Variants in HPSE2 observed in about 807,000 individuals in gnomAD.
HPSE2 encodes inactive heparanase-2.
In HPSE2, 38 loss-of-function variants were observed where a neutral mutation model predicts 60.5. The observed-to-expected ratio is 0.63, with a 90% CI of 0.48 to 0.82. The LOEUF (loss-of-function observed/expected upper bound fraction) is 0.82. HPSE2 is among the 40% of genes least tolerant of loss of function. The pLI is 0.00. For synonymous variants in HPSE2, 295 were observed against 293.2 expected (o/e 1.01, Z -0.06); for missense variants, 713 against 740.4 (o/e 0.96, Z 0.43).
chr10:98,748,851 C>T (rs1949688272), intron 3 of HPSE2, among the ~76,000 whole-genome samples: 1 of 151,116 alleles, frequency 6.6e-6, no homozygotes, highest in East Asian at 1.9e-4. Flanking sequence ...AGTAGGTGTT[C>T]ATGACAAACT....
intron 3 of HPSE2, among the ~76,000 whole-genome samples, chr10:99,030,647 C>T (rs903949110): frequency 1.3e-5 from 2 of 152,122 alleles, no homozygotes; most frequent in Admixed American, 6.6e-5. Flanking sequence ...TGGCTATATA[C>T]CCCAAAGAAA....
At chr10:99,041,652 C>A (rs2135476377) in intron 3 of HPSE2, among the ~76,000 whole-genome samples, 1 of 152,288 alleles carries the variant, frequency 6.6e-6, no homozygotes, top group Non-Finnish European at 1.5e-5. Context: ...AGGGTAGGGG[C>A]CGCATCCATA....
chr10:98,734,201 C>T lies in HPSE2; in HGVS notation c.784+9682G>A, dbSNP rs111803309. Among the ~76,000 whole-genome samples, 206 of 152,260 alleles carry T rather than the reference C, an allele frequency of 1.4e-3. 1 individual carries two copies. The highest frequency in any genetic ancestry group is 2.6e-3 in the Non-Finnish European group (175 of 68,010). Reference sequence around the variant, plus strand: ...TGTATCAGTACTTCATTTTGCAGCACATAGTATTTCTTTGTATGTATTTGT... The same window carrying T: ...TGTATCAGTACTTCATTTTGCAGCATATAGTATTTCTTTGTATGTATTTGT... On this transcript the variant is annotated intron_variant, in intron 4 of 11. Coordinates refer to ENST00000370552, the MANE Select transcript of HPSE2 (RefSeq NM_021828.5).
At chr10:98,937,331 G>A (rs1007887530) in intron 3 of HPSE2, among the ~76,000 whole-genome samples, 6 of 144,558 alleles carry the variant, frequency 4.2e-5, no homozygotes. Flanking sequence ...CCCTTTCCTA[G>A]TCAAAGAAAG....
At chr10:99,159,745 G>A (rs1405781379) in intron 2 of HPSE2, among the ~76,000 whole-genome samples, 1 of 152,014 alleles carries the variant, frequency 6.6e-6, no homozygotes, top group East Asian at 1.9e-4. Flanking sequence ...GTATCCTTAG[G>A]TTAAGTACAG....
intron 3 of HPSE2, among the ~76,000 whole-genome samples, chr10:98,797,558 G>A (rs1950804624): frequency 6.6e-6 from 1 of 151,988 alleles, no homozygotes; most frequent in Admixed American, 6.6e-5. Flanking sequence ...AAGAGATGAG[G>A]GTAAGCCGGG....
At chr10:98,887,085 A>G (rs1309428985) in intron 3 of HPSE2, among the ~76,000 whole-genome samples, 1 of 152,164 alleles carries the variant, frequency 6.6e-6, no homozygotes, top group East Asian at 1.9e-4. Context: ...AATGATTAAT[A>G]TACCAAACAA....
At chr10:98,943,209 T>C (rs994836525) in intron 3 of HPSE2, among the ~76,000 whole-genome samples, 1 of 151,474 alleles carries the variant, frequency 6.6e-6, no homozygotes, top group Admixed American at 6.6e-5. Context: ...TGTGCACATA[T>C]ACCCTAAAAC....
In HPSE2 at chr10:98,927,055, G is replaced by A. The variant is rs192376312; in HGVS notation, c.611-182999C>T. 4.9e-4 allele frequency among the ~76,000 whole-genome samples: 75 copies of A among 152,162 alleles called. 1 individual carries two copies. Among genetic ancestry groups the A allele is most frequent in the African/African-American group, 1.7e-3 (71 of 41,496 alleles). ...GTATGTGGCCAATTTTGGAATAGGCGTGGTGCTGAAAAAAATGTATATTCT... is the reference window on the plus strand; with the variant it reads ...GTATGTGGCCAATTTTGGAATAGGCATGGTGCTGAAAAAAATGTATATTCT... On this transcript the variant is annotated intron_variant, in intron 3 of 11. Coordinates refer to ENST00000370552, the MANE Select transcript of HPSE2 (RefSeq NM_021828.5).
intron 9 of HPSE2, among the ~76,000 whole-genome samples, chr10:98,556,143 G>A (rs1944001611): frequency 6.6e-6 from 1 of 152,140 alleles, no homozygotes; most frequent in Admixed American, 6.6e-5. Flanking sequence ...ATAAAGAAAG[G>A]GGTGAGCTTA....
At chr10:98,603,485 A>T (rs1288769445) in intron 9 of HPSE2, among the ~76,000 whole-genome samples, 1 of 149,578 alleles carries the variant, frequency 6.7e-6, no homozygotes, top group East Asian at 2.0e-4. Context: ...GCTGGAGTAC[A>T]GTGGCTTGAT....
chr10:98,662,819 C>G (rs550416843), intron 6 of HPSE2, among the ~76,000 whole-genome samples: 1 of 152,188 alleles, frequency 6.6e-6, no homozygotes, highest in South Asian at 2.1e-4. Flanking sequence ...TTTGGATAAT[C>G]AGCATCTAAT....
At chr10:98,566,471 C>T (rs1944348478) in intron 9 of HPSE2, among the ~76,000 whole-genome samples, 1 of 152,216 alleles carries the variant, frequency 6.6e-6, no homozygotes, top group Non-Finnish European at 1.5e-5. Flanking sequence ...TTCTAGTGGC[C>T]TTCAAGCTAC....
At chr10:98,487,815 G>A (rs996855551) in intron 10 of HPSE2, among the ~76,000 whole-genome samples, 4 of 152,262 alleles carry the variant, frequency 2.6e-5, no homozygotes, top group Non-Finnish European at 4.4e-5. Context: ...TGACTCAGCA[G>A]TGCTTCCTTA....
At chr10:98,901,202 G>T (rs1953656969) in intron 3 of HPSE2, among the ~76,000 whole-genome samples, 1 of 152,132 alleles carries the variant, frequency 6.6e-6, no homozygotes. Context: ...TTGGGGCTGG[G>T]GATGGAGGAG....
intron 9 of HPSE2, among the ~76,000 whole-genome samples, chr10:98,526,046 T>C (rs1223282098): frequency 2.0e-5 from 3 of 152,336 alleles, no homozygotes; most frequent in East Asian, 1.9e-4. Context: ...AACAGGGATA[T>C]GACAACTGCC....
chr10:99,070,153 G>A (rs893691865), intron 3 of HPSE2, among the ~76,000 whole-genome samples: 6 of 152,156 alleles, frequency 3.9e-5, no homozygotes, highest in African/African-American at 1.4e-4. Flanking sequence ...AACTGCTGCT[G>A]CTTGAAGGAC....
chr10:98,649,455 A>T (rs566570230), intron 6 of HPSE2, among the ~76,000 whole-genome samples: 1 of 152,286 alleles, frequency 6.6e-6, no homozygotes, highest in Admixed American at 6.5e-5. Flanking sequence ...CAGACACCAA[A>T]ACCTTTTCCC....
At chr10:98,560,303 C>T (rs776412629) in intron 9 of HPSE2, among the ~76,000 whole-genome samples, 9 of 152,192 alleles carry the variant, frequency 5.9e-5, no homozygotes, top group Non-Finnish European at 8.8e-5. Flanking sequence ...TCTCTCTATT[C>T]GTTTCCTGAT....
Sources: allele counts gnomAD v4.1 joint callset (sites outside exome capture counted in the v4.1 genomes callset), GRCh38; gene constraint gnomAD v4.1.1; transcripts MANE v1.5; gene names NCBI Gene and HGNC (gene_info 2026-07-23, HGNC 2026-07-21).